Variants in ATP8A1 observed in about 807,000 individuals in gnomAD.
ATP8A1 encodes the protein phospholipid-transporting ATPase IA.
ATP8A1 carries 90 observed loss-of-function variants against 177.7 expected under a neutral mutation model. The ratio of observed to expected loss-of-function variants is 0.51; its 90% CI spans 0.43 to 0.60. ATP8A1 has a LOEUF of 0.60. Among genes scored for constraint, ATP8A1 ranks in the 20% least tolerant of loss-of-function variants. ATP8A1 has a pLI of 0.00. For synonymous variants in ATP8A1, 493 were observed against 485.9 expected, an observed-to-expected ratio of 1.01 and a Z score of -0.19; for missense variants, 1,072 against 1,392.8, an observed-to-expected ratio of 0.77 and a Z score of 3.67.
chr4:42,637,029 G>C (rs1394865422), intron 1 of ATP8A1: 1 of 466,524 alleles, frequency 2.1e-6, no homozygotes, highest in Non-Finnish European at 4.2e-6. Context: ...AATCATTTCA[G>C]TCCTCTGTTG....
At chr4:42,568,032 T>C (rs953065035) in intron 15 of ATP8A1, among the ~76,000 whole-genome samples, 8 of 152,190 alleles carry the variant, frequency 5.3e-5, no homozygotes, top group African/African-American at 1.2e-4. Flanking sequence ...TCTCAAAGGA[T>C]TAAATAAGAG....
At chr4:42,467,710 T>C (rs1383885061) in intron 25 of ATP8A1, among the ~76,000 whole-genome samples, 1 of 152,100 alleles carries the variant, frequency 6.6e-6, no homozygotes, top group Non-Finnish European at 1.5e-5. Flanking sequence ...CAAAAGTGGA[T>C]GACCCTCTTG....
At position 42,543,906 on chromosome 4, in the gene ATP8A1, T is replaced by A. The variant is rs1728639583; in HGVS notation, c.1722+11A>T. 1 of 1,592,480 alleles carries A rather than the reference T, an allele frequency of 6.3e-7. No homozygotes were observed. The highest frequency in any genetic ancestry group is 1.1e-5 in the South Asian group (1 of 88,938). On this transcript the variant is annotated intron_variant, in intron 20 of 36. Transcript: ENST00000381668. ...AAATTATAACTGTAAAAAATAAAAA[T>A]AAAAACTTACAGCTCCTTTGCAGTA...
At chr4:42,485,966 C>T (rs1487752776) in intron 24 of ATP8A1, among the ~76,000 whole-genome samples, 2 of 152,150 alleles carry the variant, frequency 1.3e-5, no homozygotes, top group Non-Finnish European at 2.9e-5. Context: ...ATTATTCTAA[C>T]CATCATTGTT....
intron 1 of ATP8A1, among the ~76,000 whole-genome samples, chr4:42,653,165 C>A (rs769436176): frequency 9.2e-5 from 14 of 152,236 alleles, no homozygotes; most frequent in Non-Finnish European, 2.1e-4. Context: ...ACCCTTCCCC[C>A]AGATCCCCAC....
At chr4:42,421,556 C>T (rs1713928754) in intron 35 of ATP8A1, among the ~76,000 whole-genome samples, 1 of 152,052 alleles carries the variant, frequency 6.6e-6, no homozygotes, top group South Asian at 2.1e-4. Flanking sequence ...AAGGGAAGCA[C>T]CTGGCACGAA....
At chr4:42,493,296 G>A (rs1326957105) in intron 24 of ATP8A1, among the ~76,000 whole-genome samples, 1 of 152,020 alleles carries the variant, frequency 6.6e-6, no homozygotes, top group East Asian at 1.9e-4. Flanking sequence ...TGTACAGTAT[G>A]GTAAAGATAA....
intron 1 of ATP8A1, among the ~76,000 whole-genome samples, chr4:42,655,016 C>T (rs1487933760): frequency 6.6e-6 from 1 of 152,244 alleles, no homozygotes; most frequent in Non-Finnish European, 1.5e-5. Flanking sequence ...CATGCTGAAG[C>T]TATAATAAAC....
chr4:42,471,492 T>C (rs1009261262), intron 25 of ATP8A1, among the ~76,000 whole-genome samples: 28 of 152,378 alleles, frequency 1.8e-4, no homozygotes, highest in African/African-American at 6.5e-4. Flanking sequence ...TACTGCCTTC[T>C]GCTTCAATGA....
chr4:42,438,309 G>A (rs1716230332), intron 33 of ATP8A1, among the ~76,000 whole-genome samples: 4 of 152,264 alleles, frequency 2.6e-5, no homozygotes, highest in Middle Eastern at 3.4e-3. Flanking sequence ...TTAAATGAGT[G>A]ACTACATGAA....
Position 42,586,387 on chromosome 4 carries a change from G to A in ATP8A1, c.684C>T (p.Leu228=), listed in dbSNP as rs1432611412. Residue 228 remains leucine (L), a synonymous_variant, in exon 9 of 37, where the codon CTC becomes CTT. Coordinates refer to ENST00000381668, the MANE Select transcript of ATP8A1 (RefSeq NM_006095.2). ...GCCTTATGTTTCCAACAAAATCGTA[G>A]AGATGTCTGTTTGGACTTTCACACT... ...RIECESPNRH[L]YDFVGNIRLD... is the part of the protein sequence containing the mutation. 2 of 1,613,930 alleles carry A rather than the reference G, an allele frequency of 1.2e-6. No individual in the cohort carries two copies.
Position 42,578,387 on chromosome 4 carries a change from T to A in ATP8A1, c.1001A>T (p.Tyr334Phe). 3.1e-6 allele frequency: 5 copies of A among 1,610,956 alleles called. No homozygotes were observed. The highest frequency in any genetic ancestry group is 4.2e-6 in the Non-Finnish European group (5 of 1,178,544). ...CAGTCCAAAATTACTAGCGCCACCA[T>A]CTGTTGGGAGAGGCAGGAAGAACGT... ...SGKDWYLNLN[Y>F]GGASNFGLNF... is the part of the protein sequence containing the mutation. Residue 334 changes from tyrosine to phenylalanine, a missense_variant and splice_region_variant, in exon 12 of 37, where the codon TAT becomes TTT. Physicochemically the swap from Tyr to Phe is conservative, Grantham distance 22. Coordinates refer to ENST00000381668, the MANE Select transcript of ATP8A1 (RefSeq NM_006095.2).
At chr4:42,538,442 A>C (rs1728055683) in intron 20 of ATP8A1, among the ~76,000 whole-genome samples, 1 of 152,184 alleles carries the variant, frequency 6.6e-6, no homozygotes, top group South Asian at 2.1e-4. Flanking sequence ...AAAGCACAGC[A>C]AAAAATATAA....
chr4:42,561,571 A>G (rs1730837260), intron 15 of ATP8A1: 1 of 152,234 alleles, frequency 6.6e-6, no homozygotes, highest in Admixed American at 6.5e-5. Context: ...GTATTTTCAG[A>G]ATTATCTGCC....
intron 20 of ATP8A1, among the ~76,000 whole-genome samples, chr4:42,528,432 T>G (rs1726930180): frequency 6.6e-6 from 1 of 151,964 alleles, no homozygotes; most frequent in Non-Finnish European, 1.5e-5. Flanking sequence ...CCCATTCAAC[T>G]CTCCCATCTG....
chr4:42,421,126 C>A (rs914700351), intron 35 of ATP8A1, among the ~76,000 whole-genome samples: 1 of 152,174 alleles, frequency 6.6e-6, no homozygotes, highest in Non-Finnish European at 1.5e-5. Flanking sequence ...AATTAATTTA[C>A]TAGCTGAATT....
intron 27 of ATP8A1, among the ~76,000 whole-genome samples, chr4:42,463,534 C>T (rs1444597200): frequency 1.3e-5 from 2 of 152,150 alleles, no homozygotes; most frequent in Non-Finnish European, 2.9e-5. Context: ...TCTTTATCCA[C>T]AGTGTGAGAA....
intron 22 of ATP8A1, among the ~76,000 whole-genome samples, chr4:42,520,598 G>C (rs1726014594): frequency 6.6e-6 from 1 of 152,096 alleles, no homozygotes; most frequent in Non-Finnish European, 1.5e-5. Context: ...AGGCAAGAGA[G>C]ACATTGAAAT....
At chr4:42,640,167 T>C (rs1560551852) in intron 1 of ATP8A1, among the ~76,000 whole-genome samples, 1 of 152,238 alleles carries the variant, frequency 6.6e-6, no homozygotes, top group Non-Finnish European at 1.5e-5. Context: ...AGTCTACAGA[T>C]GTGCTTTCAA....
Sources: gnomAD v4.1 joint callset for allele counts (sites outside exome capture counted in the v4.1 genomes callset) on GRCh38, gnomAD v4.1.1 for gene constraint, MANE v1.5 for transcripts, NCBI Gene and HGNC (gene_info 2026-07-23, HGNC 2026-07-21) for gene names.